KIF1A: variants seen among roughly 807,000 people sequenced by gnomAD.
KIF1A encodes the protein kinesin-like protein KIF1A.
In KIF1A, 46 loss-of-function variants were observed where a neutral mutation model predicts 227.3. The ratio of observed to expected loss-of-function variants is 0.20; its 90% CI spans 0.16 to 0.26. The LOEUF is 0.26. KIF1A is among the 10% of genes least tolerant of loss of function. The pLI is 1.00. For missense variants in KIF1A, 1,683 were observed against 2,485.9 expected, an observed-to-expected ratio of 0.68 and a Z score of 6.87; for synonymous variants, 1,022 against 1,012.8, an observed-to-expected ratio of 1.01 and a Z score of -0.17.
intron 20 of KIF1A, among the ~76,000 whole-genome samples, chr2:240,765,270 A>C (rs553423183): frequency 6.6e-6 from 1 of 152,144 alleles, no homozygotes; most frequent in East Asian, 1.9e-4. Context: ...ACAGAGCCCA[A>C]CCCCACCCGG....
At chr2:240,722,369 A>C in intron 43 of KIF1A, 87 bp downstream of exon 43, 1 of 1,311,740 alleles carries the variant, frequency 7.6e-7, no homozygotes, top group Non-Finnish European at 1.1e-6. Context: ...GCCATGGGCA[A>C]GGCCGGGTTG....
intron 29 of KIF1A, among the ~76,000 whole-genome samples, chr2:240,746,604 G>A (rs980594798): frequency 3.3e-5 from 5 of 152,244 alleles, no homozygotes. Flanking sequence ...CGCTCAGGGA[G>A]TAGGGCACCC....
At chr2:240,754,084 C>T (rs2049539160) in intron 27 of KIF1A, among the ~76,000 whole-genome samples, 1 of 152,172 alleles carries the variant, frequency 6.6e-6, no homozygotes, top group African/African-American at 2.4e-5. Context: ...CTGGGAGGAC[C>T]CAGACACTGT....
Position 240,752,883 on chromosome 2 carries a change from C to T in KIF1A, c.2859-2336G>A, listed in dbSNP as rs73102632. On this transcript the variant is annotated intron_variant, in intron 27 of 48. Transcript: ENST00000498729. This position sits in a 1 kb window ranked among gnomAD's most constrained non-coding sequence, Gnocchi z 6.4. ...TGGGCCAGGTGAGGACACTCAGGCA[C>T]GGGGTTCCTGAATCCATTGGCGCAG... Among the ~76,000 whole-genome samples, 744 of 152,248 alleles carry T rather than the reference C, an allele frequency of 4.9e-3. 5 individuals carry two copies. Among genetic ancestry groups the T allele is most frequent in the African/African-American group, 0.016 (682 of 41,538 alleles).
Position 240,746,087 on chromosome 2 carries a change from C to T in KIF1A, c.3154G>A (p.Ala1052Thr). 6.3e-7 allele frequency: 1 copy of T among 1,595,720 alleles called. No homozygotes were observed. Among genetic ancestry groups the T allele is most frequent in the South Asian group, 1.1e-5 (1 of 87,954 alleles). The change falls in exon 30 of 49, where the codon GCA becomes ACA. Residue 1052 changes from alanine to threonine, a missense_variant. Physicochemically the swap from Ala to Thr is moderately conservative, Grantham distance 58. Coordinates refer to ENST00000498729, the MANE Select transcript of KIF1A (RefSeq NM_001244008.2). Reference sequence around the variant, plus strand: ...TCATCGGCTGAGGGCCCCACGTCTGCACCCTGGCCCTGGCCCTCCACGATG... The same window carrying T: ...TCATCGGCTGAGGGCCCCACGTCTGTACCCTGGCCCTGGCCCTCCACGATG... ...LRIVEGQGQG[A>T]DVGPSADEVN...
rs1000631715 is a variant in KIF1A, at chr2:240,725,050, T to C, written c.4256+221A>G. 1.4e-5 allele frequency among the ~76,000 whole-genome samples: 2 copies of C among 146,922 alleles called. No homozygotes were observed. Among genetic ancestry groups the C allele is most frequent in the Non-Finnish European group, 3.0e-5 (2 of 66,430 alleles). On this transcript the variant is annotated intron_variant, in intron 40 of 48. Coordinates refer to ENST00000498729, the MANE Select transcript of KIF1A (RefSeq NM_001244008.2). This position sits in a 1 kb window ranked among gnomAD's most constrained non-coding sequence, Gnocchi z 5.8. ...TGCAGGCTGGCCCTCAAGTCCCTCA[T>C]AGTGGTGTCAGTGTCCCCTGCAGGA...
At chr2:240,804,372 GC>G (rs1239244405) in intron 1 of KIF1A, among the ~76,000 whole-genome samples, 1 of 152,166 alleles carries the variant, frequency 6.6e-6, no homozygotes, top group East Asian at 1.9e-4. Flanking sequence ...CCATTATAAA[GC>G]ACCTAGAAAT....
intron 1 of KIF1A, among the ~76,000 whole-genome samples, chr2:240,798,875 C>T (rs956903263): frequency 2.6e-5 from 4 of 152,358 alleles, no homozygotes; most frequent in African/African-American, 9.6e-5. Context: ...CAATTGCTGT[C>T]TAAATGCTCT....
chr2:240,727,859 G>T (rs2046208107), intron 38 of KIF1A, among the ~76,000 whole-genome samples: 1 of 152,228 alleles, frequency 6.6e-6, no homozygotes, highest in Admixed American at 6.5e-5. Context: ...CTGGATGGCA[G>T]TGACTGAGCT....
At position 240,757,633 on chromosome 2, in the gene KIF1A, A is replaced by G; in HGVS notation, c.2583-39T>C. The G allele has an allele frequency of 2.6e-6, 4 of 1,530,502 alleles. No individual in the cohort carries two copies. Among genetic ancestry groups the G allele is most frequent in the Non-Finnish European group, 2.6e-6 (3 of 1,135,116 alleles). 94.8% of individuals were successfully genotyped at this position (1,530,502 alleles called of 1,614,324 possible). On this transcript the variant is annotated intron_variant, in intron 26 of 48. Transcript: ENST00000498729. This position sits in a 1 kb window ranked among gnomAD's most constrained non-coding sequence, Gnocchi z 6.2. ...GACAAGACAGAGAGAAGTTAACACC[A>G]GCGACTCGCAGGGACGAACAGGGGC...
At chr2:240,731,150 GAGA>G (rs2046552864) in intron 38 of KIF1A, among the ~76,000 whole-genome samples, 1 of 152,248 alleles carries the variant, frequency 6.6e-6, no homozygotes, top group Admixed American at 6.5e-5. Context: ...CTAGGCTAGT[GAGA>G]AGGAGGTGGG....
rs369298060 is a variant in KIF1A, at chr2:240,763,895, G to A, written c.1769-549C>T. Among the ~76,000 whole-genome samples, 87 of 152,304 alleles carry A rather than the reference G, an allele frequency of 5.7e-4. 1 individual carries two copies. Among genetic ancestry groups the A allele is most frequent in the African/African-American group, 1.8e-3 (75 of 41,562 alleles). ...AAGGAAGCAGGGACGGCCACTAGCA[G>A]GCACAGGTGGCTGCAGAGCCTCAGC... is the stretch of plus-strand genomic sequence containing the variant. On this transcript the variant is annotated intron_variant, in intron 20 of 48. Coordinates refer to ENST00000498729, the MANE Select transcript of KIF1A (RefSeq NM_001244008.2).
In KIF1A at chr2:240,737,239, T is replaced by C; in HGVS notation, c.3902-71A>G. ...TGGGACCCTGGGGGGCTGCCTCAGG[T>C]GGGGGTCCTGTCAGCAAGCCAGCTC... On this transcript the variant is annotated intron_variant, in intron 37 of 48. Coordinates refer to ENST00000498729, the MANE Select transcript of KIF1A (RefSeq NM_001244008.2). 6.7e-6 allele frequency: 8 copies of C among 1,194,686 alleles called. No homozygotes were observed. In the South Asian group the frequency reaches 9.7e-5, roughly 15 times the overall value. 74.0% of individuals were successfully genotyped at this position (1,194,686 alleles called of 1,614,324 possible).
Position 240,771,062 on chromosome 2 carries a change from G to A in KIF1A, c.1250C>T (p.Ser417Leu), listed in dbSNP as rs760353459. ...GGAGGCCGCGCGGCTGGACAGGGCT[G>A]AGAGCGAGGATGAGGGGCTCATACC... The part of the protein sequence containing the change: ...LVGMSPSSSL[S>L]ALSSRAASVS... Residue 417 changes from serine (S) to leucine (L), a missense_variant, in exon 15 of 49, where the codon TCA becomes TTA. Physicochemically the swap from Ser to Leu is moderately radical, Grantham distance 145 (BLOSUM62 -2). Coordinates refer to ENST00000498729, the MANE Select transcript of KIF1A (RefSeq NM_001244008.2). The A allele has an allele frequency of 1.2e-6, 2 of 1,613,532 alleles. No individual in the cohort carries two copies. Among genetic ancestry groups the A allele is most frequent in the Non-Finnish European group, 1.7e-6 (2 of 1,179,842 alleles).
chr2:240,805,565 C>G (rs981942183), intron 1 of KIF1A, among the ~76,000 whole-genome samples: 1 of 152,182 alleles, frequency 6.6e-6, no homozygotes, highest in South Asian at 2.1e-4. Context: ...TTTTAACACA[C>G]TTCTCACTAA....
Position 240,718,182 on chromosome 2 carries a change from C to G in KIF1A, c.5215-14G>C. ...TGTGTTGGGTGTCTGCAGAGGGAGG[C>G]AGCTGGTGAGGAGGTGCCAGGCTCC... On this transcript the variant is annotated splice_polypyrimidine_tract_variant and intron_variant, in intron 47 of 48. Coordinates refer to ENST00000498729, the MANE Select transcript of KIF1A (RefSeq NM_001244008.2). 6.4e-7 allele frequency: 1 copy of G among 1,569,474 alleles called. No homozygotes were observed. Among genetic ancestry groups the G allele is most frequent in the Non-Finnish European group, 8.7e-7 (1 of 1,151,892 alleles).
rs933741208 is a variant in KIF1A at position 240,775,992 on chromosome 2, A to G, written c.883-66T>C. 12 of 1,117,276 alleles carry G rather than the reference A, an allele frequency of 1.1e-5. No homozygotes were observed. The highest frequency in any genetic ancestry group is 2.4e-5 in the East Asian group (1 of 42,142). 69.2% of individuals were successfully genotyped at this position (1,117,276 alleles called of 1,614,324 possible). On this transcript the variant is annotated intron_variant, in intron 10 of 48. Transcript: ENST00000498729. This position sits in a 1 kb window ranked among gnomAD's most constrained non-coding sequence, Gnocchi z 5.5. ...GCAGAGGAAGCGAAAGGGAGGGGCC[A>G]GCGCAGGCCCTGCCAAGTGGGTCCT...
chr2:240,787,245 C>A lies in KIF1A; in HGVS notation c.429+6G>T. ...CCAGCGGCCAACGGCAGGCGGGGAGCCCTACCTCCACGGAGTAGGACATGT... is the reference window on the plus strand; with the variant it reads ...CCAGCGGCCAACGGCAGGCGGGGAGACCTACCTCCACGGAGTAGGACATGT... On this transcript the variant is annotated splice_donor_region_variant and intron_variant, in intron 5 of 48. Coordinates refer to ENST00000498729, the MANE Select transcript of KIF1A (RefSeq NM_001244008.2). The A allele has an allele frequency of 6.2e-7, 1 of 1,610,514 alleles. No individual in the cohort carries two copies. Among genetic ancestry groups the A allele is most frequent in the Non-Finnish European group, 8.5e-7 (1 of 1,177,436 alleles).
chr2:240,791,599 T>C (rs2055713416), intron 2 of KIF1A, among the ~76,000 whole-genome samples: 1 of 134,804 alleles, frequency 7.4e-6, no homozygotes, highest in African/African-American at 2.8e-5. Flanking sequence ...ACACCCCCAC[T>C]AGCCCTTGCT....
Sources: allele counts gnomAD v4.1 joint callset (sites outside exome capture counted in the v4.1 genomes callset), GRCh38; gene constraint gnomAD v4.1.1; non-coding constraint Gnocchi (gnomAD v3.1); transcripts MANE v1.5; gene names NCBI Gene and HGNC (gene_info 2026-07-23, HGNC 2026-07-21).